Variants in XYLT1 observed in about 807,000 individuals in gnomAD.
The protein encoded by XYLT1 is xylosyltransferase 1.
A neutral mutation model predicts 91.3 loss-of-function variants in XYLT1; 36 were observed. The ratio of observed to expected loss-of-function variants is 0.39; its 90% confidence interval spans 0.30 to 0.52. The LOEUF (loss-of-function observed/expected upper bound fraction) is 0.52, where lower values mean the gene tolerates loss of function less well. Among genes scored for constraint, XYLT1 ranks in the 20% least tolerant of loss-of-function variants. XYLT1 has a pLI of 0.68. For synonymous variants in XYLT1, 588 were observed against 532.0 expected (o/e 1.11, Z -1.45); for missense variants, 1,242 against 1,284.5 (o/e 0.97, Z 0.51).
chr16:17,239,812 C>G (rs2033318119), intron 3 of XYLT1, among the ~76,000 whole-genome samples: 1 of 152,188 alleles, frequency 6.6e-6, no homozygotes, highest in African/African-American at 2.4e-5. Flanking sequence ...ATTCATCCAT[C>G]CTTTCATCTG....
At chr16:17,402,859 C>T (rs1352086145) in intron 1 of XYLT1, among the ~76,000 whole-genome samples, 2 of 151,842 alleles carry the variant, frequency 1.3e-5, no homozygotes, top group African/African-American at 4.8e-5. Flanking sequence ...CCTGCTTCAG[C>T]TTCCTGGAAA....
chr16:17,325,957 T>C (rs2034794888), intron 2 of XYLT1, among the ~76,000 whole-genome samples: 1 of 152,224 alleles, frequency 6.6e-6, no homozygotes, highest in African/African-American at 2.4e-5. Flanking sequence ...GTGTTCCGCT[T>C]GTCTGAATCT....
chr16:17,251,895 G>T (rs948743252), intron 3 of XYLT1, among the ~76,000 whole-genome samples: 1 of 152,060 alleles, frequency 6.6e-6, no homozygotes, highest in African/African-American at 2.4e-5. Flanking sequence ...AGAGGCAAGA[G>T]GTAACAGCCA....
At chr16:17,110,305 C>A (rs1240381810) in intron 11 of XYLT1, among the ~76,000 whole-genome samples, 8 of 152,222 alleles carry the variant, frequency 5.3e-5, no homozygotes, top group Admixed American at 1.3e-4. Context: ...CCACCCAAAT[C>A]TCACCTTGAA....
intron 5 of XYLT1, among the ~76,000 whole-genome samples, chr16:17,162,217 G>A (rs568050446): frequency 5.9e-5 from 9 of 152,094 alleles, no homozygotes; most frequent in South Asian, 4.2e-4. Flanking sequence ...AGACCAGCCC[G>A]GCCAACATGA....
chr16:17,357,412 C>T (rs1459288470), intron 2 of XYLT1, among the ~76,000 whole-genome samples: 1 of 152,052 alleles, frequency 6.6e-6, no homozygotes, highest in African/African-American at 2.4e-5. Context: ...ACTCCAAGGC[C>T]TATACTCATA....
rs114189884 is a variant in XYLT1 at position 17,449,259 on chromosome 16, C to T, written c.363+21175G>A. The stretch of plus-strand genomic sequence containing the variant: ...GCTGGGGCCAAATCTGCAGCCCCAT[C>T]CTGGGGAAAGGCTCTGACGACAGTA... On this transcript the variant is annotated intron_variant, in intron 1 of 11. Coordinates refer to ENST00000261381, the MANE Select transcript of XYLT1 (RefSeq NM_022166.4). 2.6e-5 allele frequency among the ~76,000 whole-genome samples: 4 copies of T among 152,366 alleles called. No individual in the cohort carries two copies. The East Asian group carries it at 5.8e-4, about 22-fold the overall frequency.
chr16:17,339,046 T>C lies in XYLT1; in HGVS notation c.402+18966A>G, dbSNP rs73523027. Among the ~76,000 whole-genome samples the C allele has an allele frequency of 6.8e-4, 103 of 152,284 alleles. 1 individual carries two copies. In the East Asian group the frequency reaches 0.018, roughly 26 times the overall value. On this transcript the variant is annotated intron_variant, in intron 2 of 11. Transcript: ENST00000261381. Reference sequence around the variant, plus strand: ...AGTCAGGAGGGAAAAAAGAGAGAGATAGATGGTGACACAAATCATTTAAAT... The same window carrying C: ...AGTCAGGAGGGAAAAAAGAGAGAGACAGATGGTGACACAAATCATTTAAAT...
chr16:17,173,082 C>A (rs1371057878), intron 5 of XYLT1, among the ~76,000 whole-genome samples: 1 of 152,158 alleles, frequency 6.6e-6, no homozygotes, highest in African/African-American at 2.4e-5. Context: ...TAACAAATGT[C>A]ATCTGGGATC....
At chr16:17,246,467 T>C (rs2033437150) in intron 3 of XYLT1, among the ~76,000 whole-genome samples, 1 of 152,198 alleles carries the variant, frequency 6.6e-6, no homozygotes, top group African/African-American at 2.4e-5. Flanking sequence ...GTTCCACATT[T>C]ACTAAGGGTA....
chr16:17,397,560 C>A (rs748146026), intron 1 of XYLT1, among the ~76,000 whole-genome samples: 11 of 152,148 alleles, frequency 7.2e-5, no homozygotes, highest in Non-Finnish European at 1.3e-4. Context: ...CCCCTTTACT[C>A]TATGTCTACA....
At chr16:17,324,113 A>G (rs1040208488) in intron 2 of XYLT1, among the ~76,000 whole-genome samples, 1 of 152,178 alleles carries the variant, frequency 6.6e-6, no homozygotes, top group Admixed American at 6.5e-5. Flanking sequence ...CATCTTAACA[A>G]GCATGGTCAT....
At chr16:17,200,091 T>G (rs768027293) in intron 4 of XYLT1, among the ~76,000 whole-genome samples, 13 of 151,714 alleles carry the variant, frequency 8.6e-5, no homozygotes, top group Non-Finnish European at 1.9e-4. Flanking sequence ...TGTGGTGGCA[T>G]GCACCTGTAG....
intron 3 of XYLT1, among the ~76,000 whole-genome samples, chr16:17,252,387 G>A (rs1356328907): frequency 6.6e-6 from 1 of 152,108 alleles, no homozygotes; most frequent in Non-Finnish European, 1.5e-5. Context: ...TCATTGCCCT[G>A]AAACACTAGG....
intron 1 of XYLT1, among the ~76,000 whole-genome samples, chr16:17,420,941 A>T (rs2036243390): frequency 6.6e-6 from 1 of 152,180 alleles, no homozygotes. Context: ...GGTCCAAGCT[A>T]GATCCTCTTG....
chr16:17,206,583 G>A (rs561599623), intron 3 of XYLT1, among the ~76,000 whole-genome samples: 3 of 152,180 alleles, frequency 2.0e-5, no homozygotes, highest in South Asian at 2.1e-4. Context: ...TCATGCTTGC[G>A]TCAAATACTT....
intron 2 of XYLT1, among the ~76,000 whole-genome samples, chr16:17,353,577 C>T (rs1187207610): frequency 1.3e-5 from 2 of 152,164 alleles, no homozygotes; most frequent in Non-Finnish European, 2.9e-5. Flanking sequence ...AACCATTTTA[C>T]CCCCAAGCCC....
At chr16:17,408,184 C>T (rs1186036437) in intron 1 of XYLT1, among the ~76,000 whole-genome samples, 1 of 152,208 alleles carries the variant, frequency 6.6e-6, no homozygotes, top group Non-Finnish European at 1.5e-5. Context: ...CCTCAATCAC[C>T]TGCCCTGGAA....
At position 17,460,142 on chromosome 16, in the gene XYLT1, C is replaced by T. The variant is rs547711899; in HGVS notation, c.363+10292G>A. ...GAAAGTCACGGTCCGTCCCTGACAGCGCTGGGACCAAGCCAAGGTGCTCAG... is the reference window on the plus strand; with the variant it reads ...GAAAGTCACGGTCCGTCCCTGACAGTGCTGGGACCAAGCCAAGGTGCTCAG... On this transcript the variant is annotated intron_variant, in intron 1 of 11. Transcript: ENST00000261381. Among the ~76,000 whole-genome samples the T allele has an allele frequency of 3.3e-5, 5 of 152,296 alleles. No homozygotes were observed. In the South Asian group the frequency reaches 8.3e-4, roughly 25 times the overall value.
Sources: gnomAD v4.1 joint callset for allele counts (sites outside exome capture counted in the v4.1 genomes callset) on GRCh38, gnomAD v4.1.1 for gene constraint, MANE v1.5 for transcripts, NCBI Gene and HGNC (gene_info 2026-07-23, HGNC 2026-07-21) for gene names.